RNASEH2C: variants seen among roughly 807,000 people sequenced by gnomAD.
The protein encoded by RNASEH2C is ribonuclease H2 subunit C.
Under a neutral mutation model 16.3 loss-of-function variants are expected in RNASEH2C, and 20 were observed. That is an observed-to-expected ratio of 1.23 (90% CI 0.86 to 1.79). The LOEUF (loss-of-function observed/expected upper bound fraction) is 1.79, where lower values mean the gene tolerates loss of function less well. RNASEH2C is among the 40% of genes most tolerant of loss of function. The probability of loss-of-function intolerance (pLI) is 0.00; values close to 1 mark genes in which losing one functional copy is unlikely to be tolerated. For synonymous variants in RNASEH2C, 106 were observed against 98.9 expected, an observed-to-expected ratio of 1.07 and a Z score of -0.43; for missense variants, 296 against 235.9, an observed-to-expected ratio of 1.25 and a Z score of -1.67.
In RNASEH2C at chr11:65,720,108, CT is replaced by C. The variant is rs920095821; in HGVS notation, c.404del (p.Glu135GlyfsTer14). On this transcript the variant is annotated frameshift_variant, in exon 3 of 4. Coordinates refer to ENST00000308418, the MANE Select transcript of RNASEH2C (RefSeq NM_032193.4). LOFTEE classifies it high-confidence loss of function. ...CTTTGGCATCCGGGCCAGGGATGGT[CT>C]CCAGACCCCACAGGGTGAAGCGGCT... ...NFSRFTLWGL[E>X]TIPGPDAKVR... 5 of 1,614,102 alleles carry C rather than the reference CT, an allele frequency of 3.1e-6. No individual in the cohort carries two copies. Among genetic ancestry groups the C allele is most frequent in the Non-Finnish European group, 4.2e-6 (5 of 1,180,056 alleles).
At chr11:65,719,931 C>G (rs757171876) in intron 3 of RNASEH2C, 114 bp downstream of exon 3, 3 of 1,597,122 alleles carry the variant, frequency 1.9e-6, no homozygotes, top group East Asian at 2.2e-5. Flanking sequence ...GAAGAGTGGT[C>G]AGGGAGCTAC....
chr11:65,718,702 G>T lies in RNASEH2C; in HGVS notation c.*1081C>A. 6.2e-7 allele frequency: 1 copy of T among 1,614,214 alleles called. No individual in the cohort carries two copies. The highest frequency in any genetic ancestry group is 2.2e-5 in the East Asian group (1 of 44,884). The stretch of plus-strand genomic sequence containing the variant: ...GGTCCCAGACCATCCTGGAGATCCT[G>T]ATGGGGCTGAAGTCGGAGAGCGGGG... On this transcript the variant is annotated 3_prime_UTR_variant, in exon 4 of 4. Coordinates refer to ENST00000308418, the MANE Select transcript of RNASEH2C (RefSeq NM_032193.4).
Position 65,718,471 on chromosome 11 carries a change from T to TC in RNASEH2C, c.*1311_*1312insG. The TC allele has an allele frequency of 3.0e-6, 3 of 1,002,518 alleles. No individual in the cohort carries two copies. The highest frequency in any genetic ancestry group is 1.5e-5 in the South Asian group (1 of 65,592). 62.1% of individuals were successfully genotyped at this position (1,002,518 alleles called of 1,614,324 possible). On this transcript the variant is annotated 3_prime_UTR_variant, in exon 4 of 4. Transcript: ENST00000308418. ...CACAGAGAAGTGGAGGGCATAGAAC[T>TC]GCCAAGTGGCAGGGCCATGATAGGA...
In RNASEH2C at chr11:65,718,355, C is replaced by T. The variant is rs1245356433; in HGVS notation, c.*1428G>A. The T allele has an allele frequency of 1.8e-5, 9 of 487,326 alleles. No homozygotes were observed. The highest frequency in any genetic ancestry group is 3.3e-5 in the Non-Finnish European group (9 of 271,128). 30.2% of individuals were successfully genotyped at this position (487,326 alleles called of 1,614,324 possible). On this transcript the variant is annotated 3_prime_UTR_variant, in exon 4 of 4. Transcript: ENST00000308418. Reference sequence around the variant, plus strand: ...GGCCTCTGATCACCCTCATGGTTGACTGCAGCTGCTCCTCTCAGTGCCCTC... The same window carrying T: ...GGCCTCTGATCACCCTCATGGTTGATTGCAGCTGCTCCTCTCAGTGCCCTC...
At position 65,719,193 on chromosome 11, in the gene RNASEH2C, C is replaced by T; in HGVS notation, c.*590G>A. 6.2e-7 allele frequency: 1 copy of T among 1,612,744 alleles called. No individual in the cohort carries two copies. The highest frequency in any genetic ancestry group is 1.3e-5 in the African/African-American group (1 of 75,060). ...GGGGGAAGTGGTGACCAGACACTGCCCACTGCAGTGCCAAGACGGCAGCAG... is the reference window on the plus strand; with the variant it reads ...GGGGGAAGTGGTGACCAGACACTGCTCACTGCAGTGCCAAGACGGCAGCAG... On this transcript the variant is annotated 3_prime_UTR_variant, in exon 4 of 4. Coordinates refer to ENST00000308418, the MANE Select transcript of RNASEH2C (RefSeq NM_032193.4).
chr11:65,719,478 G>T lies in RNASEH2C; in HGVS notation c.*305C>A. 3.3e-6 allele frequency: 2 copies of T among 608,736 alleles called. No individual in the cohort carries two copies. The highest frequency in any genetic ancestry group is 2.0e-5 in the South Asian group (1 of 49,672). 37.7% of individuals were successfully genotyped at this position (608,736 alleles called of 1,614,324 possible). A position where few individuals can be genotyped will look rare whatever the true frequency, so the allele number is the denominator to read the frequency against. On this transcript the variant is annotated 3_prime_UTR_variant, in exon 4 of 4. Coordinates refer to ENST00000308418, the MANE Select transcript of RNASEH2C (RefSeq NM_032193.4). ...GATCCGGATGGGGGAGCTCTGTACAGAGGGCTGGTGATTGTAAAAATTTCT... is the reference window on the plus strand; with the variant it reads ...GATCCGGATGGGGGAGCTCTGTACATAGGGCTGGTGATTGTAAAAATTTCT...
chr11:65,719,656 G>C lies in RNASEH2C; in HGVS notation c.*127C>G, dbSNP rs535928573. The stretch of plus-strand genomic sequence containing the variant: ...GGGGGAAAGGGCCCATGCTGGCTTA[G>C]GGGCTCTAAGGCGCCCAGACTCACA... On this transcript the variant is annotated 3_prime_UTR_variant, in exon 4 of 4. Transcript: ENST00000308418. The C allele has an allele frequency of 3.1e-6, 3 of 969,776 alleles. No homozygotes were observed. The highest frequency in any genetic ancestry group is 3.5e-5 in the Admixed American group (2 of 57,048). The allele number at this position is 969,776 out of a possible 1,614,324, so 60.1% of individuals were successfully genotyped here.
Position 65,718,067 on chromosome 11 carries a change from G to A in RNASEH2C, c.*1716C>T, listed in dbSNP as rs1192594911. The A allele has an allele frequency of 6.5e-6, 1 of 154,274 alleles. No homozygotes were observed. The highest frequency in any genetic ancestry group is 1.4e-5 in the Non-Finnish European group (1 of 69,504). 9.6% of individuals were successfully genotyped at this position (154,274 alleles called of 1,614,324 possible). A position where few individuals can be genotyped will look rare whatever the true frequency, so the allele number is the denominator to read the frequency against. On this transcript the variant is annotated 3_prime_UTR_variant, in exon 4 of 4. Coordinates refer to ENST00000308418, the MANE Select transcript of RNASEH2C (RefSeq NM_032193.4). The stretch of plus-strand genomic sequence containing the variant: ...CCCAGGAATGGTCTCCCCGACTTAG[G>A]AAGCACCTTGGTGCACCTTTTCTCC...
chr11:65,719,684 T>A lies in RNASEH2C; in HGVS notation c.*99A>T, dbSNP rs1355673138. 3.1e-6 allele frequency: 4 copies of A among 1,292,616 alleles called. No individual in the cohort carries two copies. The African/African-American group carries it at 5.8e-5, about 19-fold the overall frequency. The allele number at this position is 1,292,616 out of a possible 1,614,324, so 80.1% of individuals were successfully genotyped here. On this transcript the variant is annotated 3_prime_UTR_variant, in exon 4 of 4. Transcript: ENST00000308418. The stretch of plus-strand genomic sequence containing the variant: ...GCTCTAAGGCGCCCAGACTCACAGG[T>A]GCTGTGAAGAGCTCCTTTATTGGGG...
rs770268649 is a variant in RNASEH2C, at chr11:65,719,662, C to G, written c.*121G>C. On this transcript the variant is annotated 3_prime_UTR_variant, in exon 4 of 4. Coordinates refer to ENST00000308418, the MANE Select transcript of RNASEH2C (RefSeq NM_032193.4). Reference sequence around the variant, plus strand: ...AAGGGCCCATGCTGGCTTAGGGGCTCTAAGGCGCCCAGACTCACAGGTGCT... The same window carrying G: ...AAGGGCCCATGCTGGCTTAGGGGCTGTAAGGCGCCCAGACTCACAGGTGCT... 7 of 1,084,006 alleles carry G rather than the reference C, an allele frequency of 6.5e-6. No individual in the cohort carries two copies. Among genetic ancestry groups the G allele is most frequent in the South Asian group, 2.5e-5 (2 of 79,510 alleles). The allele number at this position is 1,084,006 out of a possible 1,614,324, so 67.1% of individuals were successfully genotyped here.
Position 65,719,258 on chromosome 11 carries a change from C to T in RNASEH2C, c.*525G>A. ...GCCCACCCCGCCCCCACTGCAGCTCCCACAAAGCACTCTAAGGGAGATGGG... is the reference window on the plus strand; with the variant it reads ...GCCCACCCCGCCCCCACTGCAGCTCTCACAAAGCACTCTAAGGGAGATGGG... On this transcript the variant is annotated 3_prime_UTR_variant, in exon 4 of 4. Coordinates refer to ENST00000308418, the MANE Select transcript of RNASEH2C (RefSeq NM_032193.4). 2 of 1,526,612 alleles carry T rather than the reference C, an allele frequency of 1.3e-6. No individual in the cohort carries two copies. The highest frequency in any genetic ancestry group is 1.2e-5 in the South Asian group (1 of 84,338). The allele number at this position is 1,526,612 out of a possible 1,614,324, so 94.6% of individuals were successfully genotyped here.
chr11:65,719,364 G>A lies in RNASEH2C; in HGVS notation c.*419C>T. ...AGCACCAAGGCGAGCTCCGGGCTCA[G>A]ACCAACTCCAAGGTCAGCTGGCCAC... is the stretch of plus-strand genomic sequence containing the variant. On this transcript the variant is annotated 3_prime_UTR_variant, in exon 4 of 4. Coordinates refer to ENST00000308418, the MANE Select transcript of RNASEH2C (RefSeq NM_032193.4). 1.4e-6 allele frequency: 1 copy of A among 739,396 alleles called. No individual in the cohort carries two copies. The highest frequency in any genetic ancestry group is 2.2e-6 in the Non-Finnish European group (1 of 463,764). 45.8% of individuals were successfully genotyped at this position (739,396 alleles called of 1,614,324 possible). A position where few individuals can be genotyped will look rare whatever the true frequency, so the allele number is the denominator to read the frequency against.
At position 65,719,228 on chromosome 11, in the gene RNASEH2C, T is replaced by C. The variant is rs760648317; in HGVS notation, c.*555A>G. 2 of 1,600,824 alleles carry C rather than the reference T, an allele frequency of 1.2e-6. No homozygotes were observed. Among genetic ancestry groups the C allele is most frequent in the African/African-American group, 2.7e-5 (2 of 74,804 alleles). On this transcript the variant is annotated 3_prime_UTR_variant, in exon 4 of 4. Coordinates refer to ENST00000308418, the MANE Select transcript of RNASEH2C (RefSeq NM_032193.4). Reference sequence around the variant, plus strand: ...GCCAAGACGGCAGCAGGACTGGGGCTGATAGCCCACCCCGCCCCCACTGCA... The same window carrying C: ...GCCAAGACGGCAGCAGGACTGGGGCCGATAGCCCACCCCGCCCCCACTGCA...
rs765743840 is a variant in RNASEH2C at position 65,719,110 on chromosome 11, C to T, written c.*673G>A. The T allele has an allele frequency of 4.3e-6, 7 of 1,614,038 alleles. No individual in the cohort carries two copies. Among genetic ancestry groups the T allele is most frequent in the Non-Finnish European group, 5.9e-6 (7 of 1,180,016 alleles). On this transcript the variant is annotated 3_prime_UTR_variant, in exon 4 of 4. Coordinates refer to ENST00000308418, the MANE Select transcript of RNASEH2C (RefSeq NM_032193.4). The stretch of plus-strand genomic sequence containing the variant: ...TGGCCATGAGCGGGCCATGCTCAAG[C>T]GGCTCCTGCGGATCGACTCCAAGTG...
rs942904808 is a variant in RNASEH2C, at chr11:65,720,760, C to T, written c.-2G>A. 2.5e-6 allele frequency: 4 copies of T among 1,585,774 alleles called. No individual in the cohort carries two copies. The highest frequency in any genetic ancestry group is 3.4e-6 in the Non-Finnish European group (4 of 1,172,098). ...GGCCGCTTCGTCGCCGCTCTCCATC[C>T]TCCCTCCTACGCGACGCCAGGGCTC... is the stretch of plus-strand genomic sequence containing the variant. On this transcript the variant is annotated 5_prime_UTR_variant, in exon 1 of 4. Coordinates refer to ENST00000308418, the MANE Select transcript of RNASEH2C (RefSeq NM_032193.4).
In RNASEH2C at chr11:65,719,357, G is replaced by A. The variant is rs532874020; in HGVS notation, c.*426C>T. ...GGTGCCCAGCACCAAGGCGAGCTCC[G>A]GGCTCAGACCAACTCCAAGGTCAGC... On this transcript the variant is annotated 3_prime_UTR_variant, in exon 4 of 4. Transcript: ENST00000308418. 2.4e-5 allele frequency: 19 copies of A among 784,514 alleles called. No individual in the cohort carries two copies. Among genetic ancestry groups the A allele is most frequent in the Admixed American group, 1.5e-4 (5 of 34,324 alleles). 48.6% of individuals were successfully genotyped at this position (784,514 alleles called of 1,614,324 possible). A position where few individuals can be genotyped will look rare whatever the true frequency, so the allele number is the denominator to read the frequency against.
In RNASEH2C at chr11:65,718,867, C is replaced by T. The variant is rs373553703; in HGVS notation, c.*916G>A. On this transcript the variant is annotated 3_prime_UTR_variant, in exon 4 of 4. Coordinates refer to ENST00000308418, the MANE Select transcript of RNASEH2C (RefSeq NM_032193.4). ...CTCAGGGAACCTGACCTGTGCTCTC[C>T]CACAGTGAGATTAGTGAAATCACCA... 1 of 1,614,112 alleles carries T rather than the reference C, an allele frequency of 6.2e-7. No homozygotes were observed.
In RNASEH2C at chr11:65,720,053, C is replaced by T; in HGVS notation, c.460G>A (p.Ala154Thr). The stretch of plus-strand genomic sequence containing the variant: ...ACTCCTCGTCTACTCACCGCTGCCG[C>T]AAGGCTGGGCCAAGTTAAGGCCCCA... ...VRGALTWPSL[A>T]AAIHAQVPED The change falls in exon 3 of 4, where the codon GCG becomes ACG. Residue 154 changes from alanine (A) to threonine (T), a missense_variant. Physicochemically the swap from Ala to Thr is moderately conservative, Grantham distance 58. Transcript: ENST00000308418. 3 of 1,613,772 alleles carry T rather than the reference C, an allele frequency of 1.9e-6. No individual in the cohort carries two copies. The highest frequency in any genetic ancestry group is 1.1e-5 in the South Asian group (1 of 91,090).
Position 65,718,621 on chromosome 11 carries a change from A to T in RNASEH2C, c.*1162T>A. On this transcript the variant is annotated 3_prime_UTR_variant, in exon 4 of 4. Coordinates refer to ENST00000308418, the MANE Select transcript of RNASEH2C (RefSeq NM_032193.4). ...AACTCTCCAAAGTGGAAGGGAAAACAGGGACCCCTGAGAAGCCCCTCTCAG... is the reference window on the plus strand; with the variant it reads ...AACTCTCCAAAGTGGAAGGGAAAACTGGGACCCCTGAGAAGCCCCTCTCAG... 1 of 1,614,220 alleles carries T rather than the reference A, an allele frequency of 6.2e-7. No individual in the cohort carries two copies. The highest frequency in any genetic ancestry group is 1.1e-5 in the South Asian group (1 of 91,084).
Sources: gnomAD v4.1 joint callset for allele counts on GRCh38, gnomAD v4.1.1 for gene constraint, MANE v1.5 for transcripts, NCBI Gene and HGNC (gene_info 2026-07-23, HGNC 2026-07-21) for gene names.